The following ADAMTS14 variants were observed in gnomAD, a reference collection of about 807,000 sequenced individuals.
The protein encoded by ADAMTS14 is A disintegrin and metalloproteinase with thrombospondin motifs 14.
In ADAMTS14, 100 loss-of-function variants were observed where a neutral mutation model predicts 128.6. That is an observed-to-expected ratio of 0.78 (90% confidence interval 0.66 to 0.92). The LOEUF (loss-of-function observed/expected upper bound fraction) is 0.92. Ranked by LOEUF, ADAMTS14 falls within the 40% of genes least tolerant of loss-of-function variation. The pLI, the probability that ADAMTS14 is intolerant of heterozygous loss-of-function variation, is 0.00. For missense variants in ADAMTS14, 1,562 were observed against 1,658.6 expected (o/e 0.94, Z 1.01); for synonymous variants, 665 against 653.8 (o/e 1.02, Z -0.26).
chr10:70,761,011 A>G lies in ADAMTS14; in HGVS notation c.*158A>G. 9.1e-7 allele frequency: 1 copy of G among 1,093,756 alleles called. No individual in the cohort carries two copies. The highest frequency in any genetic ancestry group is 1.6e-5 in the African/African-American group (1 of 63,414). 67.8% of individuals were successfully genotyped at this position (1,093,756 alleles called of 1,614,324 possible). On this transcript the variant is annotated 3_prime_UTR_variant, in exon 22 of 22. Transcript: ENST00000373207. ...GGGGCTGTGATGCTCTTTACCCCAC[A>G]AAGCGGGGTGGGAGGAAGACAAAGA...
chr10:70,760,864 G>T lies in ADAMTS14; in HGVS notation c.*11G>T. 6.4e-7 allele frequency: 1 copy of T among 1,552,714 alleles called. No individual in the cohort carries two copies. Among genetic ancestry groups the T allele is most frequent in the African/African-American group, 1.4e-5 (1 of 73,468 alleles). ...TCCCCGGTGACATGAGCTGTGCCCT[G>T]CCATCCCACTGGCACGTTTACACTC... On this transcript the variant is annotated 3_prime_UTR_variant, in exon 22 of 22. Transcript: ENST00000373207.
At position 70,729,518 on chromosome 10, in the gene ADAMTS14, T is replaced by C. The variant is rs150232571; in HGVS notation, c.954+141T>C. The C allele has an allele frequency of 1.3e-3, 973 of 737,316 alleles. 7 individuals carry two copies. In the African/African-American group the frequency reaches 0.015, roughly 11 times the overall value. 45.7% of individuals were successfully genotyped at this position (737,316 alleles called of 1,614,324 possible). A position where few individuals can be genotyped will look rare whatever the true frequency, so the allele number is the denominator to read the frequency against. On this transcript the variant is annotated intron_variant, in intron 5 of 21. Transcript: ENST00000373207. ...TCAGAACTTGAGGCTATTAGAATTG[T>C]GGCTTCAGTGATGGAGCCTTTGGAG...
At chr10:70,713,414 G>A (rs887859966) in intron 4 of ADAMTS14, among the ~76,000 whole-genome samples, 6 of 152,226 alleles carry the variant, frequency 3.9e-5, no homozygotes, top group Non-Finnish European at 7.3e-5. Context: ...AAAGAGGGGT[G>A]TATTGGCAGG....
At chr10:70,691,154 G>A (rs77407568) in intron 2 of ADAMTS14, among the ~76,000 whole-genome samples, 3,243 of 144,456 alleles carry the variant, frequency 0.022, 274 homozygotes, top group African/African-American at 0.074. Context: ...GCCTGTTGGC[G>A]GGGAAGGGGA....
At chr10:70,701,308 T>C (rs1840485602) in intron 2 of ADAMTS14, among the ~76,000 whole-genome samples, 1 of 152,268 alleles carries the variant, frequency 6.6e-6, no homozygotes, top group African/African-American at 2.4e-5. Context: ...ACTTCCTTCA[T>C]TCACTGCTTC....
At chr10:70,718,419 T>C (rs1299330181) in intron 4 of ADAMTS14, among the ~76,000 whole-genome samples, 1 of 152,140 alleles carries the variant, frequency 6.6e-6, no homozygotes, top group Non-Finnish European at 1.5e-5. Context: ...AGACGGAGTT[T>C]CACTGTTGCC....
At position 70,741,074 on chromosome 10, in the gene ADAMTS14, C is replaced by T; in HGVS notation, c.1836C>T (p.Asp612=). 1 of 1,614,000 alleles carries T rather than the reference C, an allele frequency of 6.2e-7. No homozygotes were observed. The highest frequency in any genetic ancestry group is 1.3e-5 in the African/African-American group (1 of 75,046). Residue 612 remains aspartate, a synonymous_variant, in exon 12 of 22, where the codon GAC becomes GAT. Coordinates refer to ENST00000373207, the MANE Select transcript of ADAMTS14 (RefSeq NM_080722.4). ...AGGAGTGCCCTGGGACCTACGAGGA[C>T]TTCCGGGCCCAGCAGTGTGCCAAGC... ...NSEECPGTYE[D]FRAQQCAKRN...
intron 4 of ADAMTS14, among the ~76,000 whole-genome samples, chr10:70,718,893 A>G (rs1347987050): frequency 6.6e-6 from 1 of 150,922 alleles, no homozygotes. Flanking sequence ...ACAGGGTCTT[A>G]CTATATTACC....
At chr10:70,732,385 G>T in intron 7 of ADAMTS14, 26 bp downstream of exon 7, 1 of 1,586,582 alleles carries the variant, frequency 6.3e-7, no homozygotes, top group Non-Finnish European at 8.6e-7. Context: ...ACGGTGGGTG[G>T]GACTGGCAGC....
intron 1 of ADAMTS14, among the ~76,000 whole-genome samples, chr10:70,673,906 T>C (rs1839560303): frequency 6.6e-6 from 1 of 152,210 alleles, no homozygotes; most frequent in Admixed American, 6.5e-5. Context: ...TCACCCCCTG[T>C]ATATCCTTTT....
chr10:70,727,830 T>C (rs1406356356), intron 4 of ADAMTS14, among the ~76,000 whole-genome samples: 1 of 151,816 alleles, frequency 6.6e-6, no homozygotes, highest in African/African-American at 2.4e-5. Context: ...GCGCGGTGGC[T>C]CACGCCTGTA....
chr10:70,745,405 G>A (rs1348488304), intron 15 of ADAMTS14, 99 bp downstream of exon 15: 1 of 1,224,588 alleles, frequency 8.2e-7, no homozygotes, highest in Admixed American at 1.8e-5. Flanking sequence ...TAGTACAAGT[G>A]GAATTGTACT....
chr10:70,677,245 C>T (rs574112620), intron 2 of ADAMTS14, among the ~76,000 whole-genome samples: 1 of 152,226 alleles, frequency 6.6e-6, no homozygotes, highest in South Asian at 2.1e-4. Flanking sequence ...GTTTTGGGGG[C>T]TGGCGGATGG....
rs1165483411 is a variant in ADAMTS14, at chr10:70,761,565, G to T, written c.*712G>T. On this transcript the variant is annotated 3_prime_UTR_variant, in exon 22 of 22. Transcript: ENST00000373207. ...TTACTTCTAGTGACTCCAGATTACA[G>T]ACTGGCCCCCCAATCTCACCCCAGC... The T allele has an allele frequency of 2.0e-5, 3 of 152,206 alleles. No individual in the cohort carries two copies. The highest frequency in any genetic ancestry group is 2.0e-4 in the Admixed American group (3 of 15,274). 9.4% of individuals were successfully genotyped at this position (152,206 alleles called of 1,614,324 possible).
chr10:70,721,384 T>TC (rs1327976675), intron 4 of ADAMTS14, among the ~76,000 whole-genome samples: 1 of 151,420 alleles, frequency 6.6e-6, no homozygotes, highest in African/African-American at 2.4e-5. Context: ...CTTTTTTTTT[T>TC]TCTCTTTTCT....
At chr10:70,732,131 T>C in intron 6 of ADAMTS14, 123 bp from the exon 7 acceptor site, 1 of 844,830 alleles carries the variant, frequency 1.2e-6, no homozygotes, top group Non-Finnish European at 1.9e-6. Context: ...AGCATCTGTC[T>C]TCCTCCAGGA....
intron 8 of ADAMTS14, among the ~76,000 whole-genome samples, chr10:70,734,577 A>AGCAGCACACTCCCAATTCCG (rs1841764602): frequency 6.6e-6 from 1 of 152,176 alleles, no homozygotes; most frequent in Non-Finnish European, 1.5e-5. Flanking sequence ...CCTTGGCCCC[A>AGCAGCACACTCCCAATTCCG]GCAGCACACT....
rs1426178887 is a variant in ADAMTS14, at chr10:70,738,832, T to C, written c.1600-10T>C. 1 of 1,613,864 alleles carries C rather than the reference T, an allele frequency of 6.2e-7. No individual in the cohort carries two copies. Among genetic ancestry groups the C allele is most frequent in the Non-Finnish European group, 8.5e-7 (1 of 1,180,012 alleles). The stretch of plus-strand genomic sequence containing the variant: ...CCCAGGGTGACCTCATGCCCTCTGC[T>C]CTGCCCCAGTGGTGCTTCAAAGGTC... On this transcript the variant is annotated splice_polypyrimidine_tract_variant and intron_variant, in intron 10 of 21. Coordinates refer to ENST00000373207, the MANE Select transcript of ADAMTS14 (RefSeq NM_080722.4).
intron 4 of ADAMTS14, among the ~76,000 whole-genome samples, chr10:70,728,858 G>A (rs1225454297): frequency 6.6e-6 from 1 of 152,188 alleles, no homozygotes; most frequent in Non-Finnish European, 1.5e-5. Context: ...CCCCAGGGCC[G>A]GGGTACTGTA....
Sources: gnomAD v4.1 joint callset for allele counts (sites outside exome capture counted in the v4.1 genomes callset) on GRCh38, gnomAD v4.1.1 for gene constraint, MANE v1.5 for transcripts, NCBI Gene and HGNC (gene_info 2026-07-23, HGNC 2026-07-21) for gene names.